Variants in FBXO42 observed in about 807,000 individuals in gnomAD.
FBXO42 encodes F-box only protein 42.
Under a neutral mutation model 71.7 loss-of-function variants are expected in FBXO42, and 12 were observed. That is an observed-to-expected ratio of 0.17 (90% CI 0.11 to 0.27). The LOEUF (loss-of-function observed/expected upper bound fraction) is 0.27, where lower values mean the gene tolerates loss of function less well. Ranked by LOEUF, FBXO42 falls within the 10% of genes least tolerant of loss-of-function variation. FBXO42 has a pLI of 1.00. For missense variants in FBXO42, 707 were observed against 911.9 expected, an observed-to-expected ratio of 0.78 and a Z score of 2.89; for synonymous variants, 325 against 327.5, an observed-to-expected ratio of 0.99 and a Z score of 0.08.
intron 4 of FBXO42, among the ~76,000 whole-genome samples, chr1:16,266,027 G>A (rs1235905303): frequency 2.0e-5 from 3 of 152,070 alleles, no homozygotes; most frequent in African/African-American, 7.2e-5. Flanking sequence ...GGGAGAAACT[G>A]ACTTATTTAT....
chr1:16,255,654 G>T, intron 6 of FBXO42, 57 bp downstream of exon 6: 1 of 1,445,472 alleles, frequency 6.9e-7, no homozygotes, highest in Non-Finnish European at 9.6e-7. Context: ...TTTTAAACCT[G>T]TTATTCCCAG....
chr1:16,272,362 C>T (rs182015492), intron 4 of FBXO42, among the ~76,000 whole-genome samples: 15 of 151,814 alleles, frequency 9.9e-5, no homozygotes, highest in Admixed American at 7.2e-4. Flanking sequence ...CGGGTTCAAG[C>T]GATTCTTCTG....
rs116286767 is a variant in FBXO42, at chr1:16,321,966, C to G, written c.-17-6531G>C. 3.7e-3 allele frequency among the ~76,000 whole-genome samples: 553 copies of G among 151,040 alleles called. 5 individuals are homozygous for G. Among genetic ancestry groups the G allele is most frequent in the African/African-American group, 0.013 (526 of 41,192 alleles). On this transcript the variant is annotated intron_variant, in intron 1 of 9. Coordinates refer to ENST00000375592, the MANE Select transcript of FBXO42 (RefSeq NM_018994.3). ...GGTGGATCACCTGAGGACGGGAGCTCAAGACCAGCCTAGCCAACATGGCGA... is the reference window on the plus strand; with the variant it reads ...GGTGGATCACCTGAGGACGGGAGCTGAAGACCAGCCTAGCCAACATGGCGA...
chr1:16,263,865 C>T (rs1475027822), intron 4 of FBXO42, among the ~76,000 whole-genome samples: 5 of 140,320 alleles, frequency 3.6e-5, no homozygotes, highest in African/African-American at 7.9e-5. Context: ...GGCTGGAGTG[C>T]GATGGCACAA....
At chr1:16,341,754 T>A (rs2082606928) in intron 1 of FBXO42, among the ~76,000 whole-genome samples, 1 of 150,836 alleles carries the variant, frequency 6.6e-6, no homozygotes, top group South Asian at 2.1e-4. Flanking sequence ...GCGGATCACC[T>A]GAGGTCAGGA....
chr1:16,331,422 A>AAATAATAAT (rs200267691), intron 1 of FBXO42, among the ~76,000 whole-genome samples: 73 of 145,682 alleles, frequency 5.0e-4, no homozygotes, highest in African/African-American at 1.7e-3. Flanking sequence ...CTCAAAAAGA[A>AAATAATAAT]AATAATAATA....
At chr1:16,292,380 C>A (rs1393554641) in intron 4 of FBXO42, 1 of 151,906 alleles carries the variant, frequency 6.6e-6, no homozygotes, top group African/African-American at 2.4e-5. Context: ...GGGCTTATAT[C>A]TGTGGGCTCA....
intron 3 of FBXO42, among the ~76,000 whole-genome samples, chr1:16,303,411 A>G (rs955477449): frequency 4.6e-5 from 7 of 152,202 alleles, no homozygotes; most frequent in African/African-American, 1.7e-4. Context: ...TCATGTTTAT[A>G]CTGCTTTTCA....
At chr1:16,315,041 A>T in intron 2 of FBXO42, 128 bp downstream of exon 2, 1 of 947,094 alleles carries the variant, frequency 1.1e-6, no homozygotes, top group Non-Finnish European at 1.5e-6. Context: ...AAAACCGGGT[A>T]GTATCGTCTA....
intron 3 of FBXO42, among the ~76,000 whole-genome samples, chr1:16,296,937 C>G (rs1270716676): frequency 1.4e-5 from 2 of 143,958 alleles, no homozygotes; most frequent in African/African-American, 5.3e-5. Flanking sequence ...ACCCCCCACC[C>G]CCCGCTTTTT....
At chr1:16,253,754 TA>T in intron 6 of FBXO42, 23 bp from the exon 7 acceptor site, 1 of 1,609,758 alleles carries the variant, frequency 6.2e-7, no homozygotes, top group Non-Finnish European at 8.5e-7. Flanking sequence ...GACAGAAGGA[TA>T]AAGGTAGTTA....
At chr1:16,329,368 G>A (rs2082476706) in intron 1 of FBXO42, among the ~76,000 whole-genome samples, 1 of 151,720 alleles carries the variant, frequency 6.6e-6, no homozygotes, top group South Asian at 2.1e-4. Flanking sequence ...TGGAGTGCCT[G>A]AACTCAGGAG....
At chr1:16,301,297 A>G (rs1458714786) in intron 3 of FBXO42, among the ~76,000 whole-genome samples, 1 of 152,164 alleles carries the variant, frequency 6.6e-6, no homozygotes, top group Non-Finnish European at 1.5e-5. Context: ...TTAAGTCCAC[A>G]AAAATTATTA....
intron 1 of FBXO42, among the ~76,000 whole-genome samples, chr1:16,337,707 AC>A (rs1338405822): frequency 2.0e-5 from 3 of 148,828 alleles, no homozygotes; most frequent in Non-Finnish European, 4.5e-5. Context: ...ACATGGTGAA[AC>A]CCCCGCCTCT....
chr1:16,270,898 A>AG (rs2081836537), intron 4 of FBXO42, among the ~76,000 whole-genome samples: 1 of 151,468 alleles, frequency 6.6e-6, no homozygotes, highest in Non-Finnish European at 1.5e-5. Context: ...TAGCTTGCTG[A>AG]GGGGAAGAAA....
At chr1:16,302,289 A>T (rs2082203562) in intron 3 of FBXO42, among the ~76,000 whole-genome samples, 1 of 152,172 alleles carries the variant, frequency 6.6e-6, no homozygotes, top group Non-Finnish European at 1.5e-5. Flanking sequence ...AACGCCTGTA[A>T]TCTAGGCACT....
At chr1:16,348,199 A>G (rs2082669562) in intron 1 of FBXO42, among the ~76,000 whole-genome samples, 1 of 152,166 alleles carries the variant, frequency 6.6e-6, no homozygotes, top group African/African-American at 2.4e-5. Flanking sequence ...ATTTTCAGTT[A>G]AGATACAGAT....
At chr1:16,322,635 A>G (rs1232916304) in intron 1 of FBXO42, among the ~76,000 whole-genome samples, 1 of 152,170 alleles carries the variant, frequency 6.6e-6, no homozygotes, top group African/African-American at 2.4e-5. Context: ...AACTAAACAC[A>G]AATCAGTTTC....
At chr1:16,350,796 A>AGAAAGAAAGAAAGAAAGAAGG (rs59531912) in intron 1 of FBXO42, among the ~76,000 whole-genome samples, 1 of 151,202 alleles carries the variant, frequency 6.6e-6, no homozygotes, top group Non-Finnish European at 1.5e-5. Flanking sequence ...AAAGAAAGAA[A>AGAAAGAAAGAAAGAAAGAAGG]ATGGTCAAAT....
Sources: gnomAD v4.1 joint callset for allele counts (sites outside exome capture counted in the v4.1 genomes callset) on GRCh38, gnomAD v4.1.1 for gene constraint, MANE v1.5 for transcripts, NCBI Gene and HGNC (gene_info 2026-07-23, HGNC 2026-07-21) for gene names.